Variants in KIRREL1 observed in about 807,000 individuals in gnomAD.
KIRREL1 encodes kin of IRRE-like protein 1.
KIRREL1 carries 25 observed loss-of-function variants against 83.3 expected under a neutral mutation model. The ratio of observed to expected loss-of-function variants is 0.30; its 90% CI spans 0.22 to 0.42. The LOEUF is 0.42. KIRREL1 is among the 10% of genes least tolerant of loss of function. The pLI is 1.00. For synonymous variants in KIRREL1, 388 were observed against 410.4 expected (o/e 0.95, Z 0.66); for missense variants, 812 against 1,032.3 (o/e 0.79, Z 2.92).
At chr1:158,080,531 G>A (rs1274791716) in intron 3 of KIRREL1, among the ~76,000 whole-genome samples, 1 of 152,176 alleles carries the variant, frequency 6.6e-6, no homozygotes, top group African/African-American at 2.4e-5. Flanking sequence ...GGTCCTTGCT[G>A]GCCTGCCTGG....
At chr1:158,023,688 T>C (rs1027336311) in intron 1 of KIRREL1, among the ~76,000 whole-genome samples, 1 of 152,214 alleles carries the variant, frequency 6.6e-6, no homozygotes, top group Admixed American at 6.5e-5. Flanking sequence ...ATCATTTTAC[T>C]GCTCTAACAT....
At chr1:158,039,303 C>T (rs1273636955) in intron 1 of KIRREL1, among the ~76,000 whole-genome samples, 2 of 152,222 alleles carry the variant, frequency 1.3e-5, no homozygotes, top group African/African-American at 4.8e-5. Flanking sequence ...ATGTACTTCC[C>T]TTTACTGACC....
intron 1 of KIRREL1, among the ~76,000 whole-genome samples, chr1:158,064,828 T>C (rs1412891336): frequency 6.6e-6 from 1 of 152,066 alleles, no homozygotes; most frequent in African/African-American, 2.4e-5. Flanking sequence ...CAGAGCCCCA[T>C]ACCTTCCCGT....
chr1:158,053,197 T>C (rs1355998377), intron 1 of KIRREL1, among the ~76,000 whole-genome samples: 18 of 152,286 alleles, frequency 1.2e-4, no homozygotes, highest in African/African-American at 4.1e-4. Flanking sequence ...ACCTCTACGT[T>C]CCTTGAGAGC....
chr1:158,094,406 G>GGGGCCAGGGCATGAGGGCTGGT lies in KIRREL1; in HGVS notation c.1797+24_1797+45dup, dbSNP rs765453030. 1 of 1,611,314 alleles carries GGGGCCAGGGCATGAGGGCTGGT rather than the reference G, an allele frequency of 6.2e-7. No homozygotes were observed. Among genetic ancestry groups the GGGGCCAGGGCATGAGGGCTGGT allele is most frequent in the Admixed American group, 1.7e-5 (1 of 59,638 alleles). On this transcript the variant is annotated intron_variant, in intron 14 of 14. Transcript: ENST00000359209. The surrounding 1 kb of genome is among the most constrained non-coding windows in gnomAD (Gnocchi z 4.6). ...TGAGATGAAGGTGGGAAAGGGGGAA[G>GGGGCCAGGGCATGAGGGCTGGT]GGGCCAGGGCATGAGGGCTGGTGGG... is the stretch of plus-strand genomic sequence containing the variant.
At chr1:158,064,506 A>G (rs549216235) in intron 1 of KIRREL1, among the ~76,000 whole-genome samples, 1 of 152,358 alleles carries the variant, frequency 6.6e-6, no homozygotes, top group South Asian at 2.1e-4. Context: ...AAAGCATCAG[A>G]GTTGAAAGGA....
intron 1 of KIRREL1, among the ~76,000 whole-genome samples, chr1:157,994,389 G>T (rs74122601): frequency 0.016 from 2,411 of 151,028 alleles, 64 homozygotes; most frequent in African/African-American, 0.056. Context: ...TGATACAGAG[G>T]GGGGGAACTC....
At chr1:158,006,458 A>G (rs1659521823) in intron 1 of KIRREL1, among the ~76,000 whole-genome samples, 1 of 152,220 alleles carries the variant, frequency 6.6e-6, no homozygotes, top group Non-Finnish European at 1.5e-5. Context: ...TCATACTTCA[A>G]GGCAAAGCTC....
At chr1:158,081,173 G>A (rs1661842803) in intron 3 of KIRREL1, among the ~76,000 whole-genome samples, 1 of 99,182 alleles carries the variant, frequency 1.0e-5, no homozygotes, top group Non-Finnish European at 2.4e-5. Flanking sequence ...CCATGGTGAT[G>A]AGCATGACTT....
chr1:158,014,587 C>T (rs1659773291), intron 1 of KIRREL1, among the ~76,000 whole-genome samples: 1 of 144,246 alleles, frequency 6.9e-6, no homozygotes, highest in Non-Finnish European at 1.5e-5. Context: ...TTTCCTTTAG[C>T]GAGGGACTGA....
At chr1:158,010,350 CACACACACACA>C (rs1659640791) in intron 1 of KIRREL1, among the ~76,000 whole-genome samples, 1 of 140,852 alleles carries the variant, frequency 7.1e-6, no homozygotes, top group Non-Finnish European at 1.6e-5. Context: ...CACACACACA[CACACACACACA>C]CCCCACACAG....
At chr1:157,999,836 A>G (rs1394270325) in intron 1 of KIRREL1, among the ~76,000 whole-genome samples, 9 of 152,176 alleles carry the variant, frequency 5.9e-5, no homozygotes, top group African/African-American at 2.2e-4. Context: ...ATCAGGAAAA[A>G]TAATGGGCTC....
chr1:158,008,060 T>G (rs1293778755), intron 1 of KIRREL1, among the ~76,000 whole-genome samples: 1 of 152,136 alleles, frequency 6.6e-6, no homozygotes, highest in Non-Finnish European at 1.5e-5. Context: ...TTTTATTATC[T>G]CTTAATTAAT....
At chr1:158,092,701 A>G (rs543779647) in intron 11 of KIRREL1, among the ~76,000 whole-genome samples, 1 of 152,228 alleles carries the variant, frequency 6.6e-6, no homozygotes, top group African/African-American at 2.4e-5. Flanking sequence ...GTGGGGAAGA[A>G]TGGAGTAGAT....
Position 158,093,413 on chromosome 1 carries a change from T to C in KIRREL1, c.1546T>C (p.Leu516=). 6.2e-7 allele frequency: 1 copy of C among 1,614,210 alleles called. No individual in the cohort carries two copies. The highest frequency in any genetic ancestry group is 8.5e-7 in the Non-Finnish European group (1 of 1,180,022). The change falls in exon 12 of 15, where the codon TTG becomes CTG. Residue 516 remains leucine, a synonymous_variant. Transcript: ENST00000359209. ...CCTGCTCATCTTCTTCTTCATCGCCTTGGTATTCTTCCTCTACCGGCGCCG... is the reference window on the plus strand; with the variant it reads ...CCTGCTCATCTTCTTCTTCATCGCCCTGGTATTCTTCCTCTACCGGCGCCG... ...SILLIFFFIA[L]VFFLYRRRKG...
At position 158,039,612 on chromosome 1, in the gene KIRREL1, C is replaced by T. The variant is rs6668401; in HGVS notation, c.53-36501C>T. On this transcript the variant is annotated intron_variant, in intron 1 of 14. Coordinates refer to ENST00000359209, the MANE Select transcript of KIRREL1 (RefSeq NM_018240.7). Reference sequence around the variant, plus strand: ...CACTTACTCATCAAGCCAGCTTTTTCCCCAATCATGCCAATTGTTCCTGAA... The same window carrying T: ...CACTTACTCATCAAGCCAGCTTTTTTCCCAATCATGCCAATTGTTCCTGAA... 9.0e-3 allele frequency among the ~76,000 whole-genome samples: 1,370 copies of T among 152,298 alleles called. 22 individuals carry two copies. Among genetic ancestry groups the T allele is most frequent in the African/African-American group, 0.031 (1,285 of 41,564 alleles).
chr1:158,007,625 C>CT (rs769618331), intron 1 of KIRREL1, among the ~76,000 whole-genome samples: 9 of 151,980 alleles, frequency 5.9e-5, no homozygotes, highest in Non-Finnish European at 1.2e-4. Context: ...GCTCGTGTGT[C>CT]TGGGGGGAGA....
intron 1 of KIRREL1, among the ~76,000 whole-genome samples, chr1:158,030,088 A>G (rs1660283230): frequency 6.6e-6 from 1 of 152,170 alleles, no homozygotes; most frequent in Non-Finnish European, 1.5e-5. Flanking sequence ...AGGTATGGAA[A>G]TTGAAGCCCA....
chr1:158,085,817 G>C (rs1661996004), intron 4 of KIRREL1, among the ~76,000 whole-genome samples: 1 of 152,182 alleles, frequency 6.6e-6, no homozygotes, highest in African/African-American at 2.4e-5. Context: ...CTGAGCAAGT[G>C]TAAGACTTCG....
Sources: allele counts gnomAD v4.1 joint callset (sites outside exome capture counted in the v4.1 genomes callset), GRCh38; gene constraint gnomAD v4.1.1; non-coding constraint Gnocchi (gnomAD v3.1); transcripts MANE v1.5; gene names NCBI Gene and HGNC (gene_info 2026-07-23, HGNC 2026-07-21).